Variants in DISC1 observed in about 807,000 individuals in gnomAD.
The protein encoded by DISC1 is disrupted in schizophrenia 1 protein.
DISC1 carries 57 observed loss-of-function variants against 84.5 expected under a neutral mutation model. That is an observed-to-expected ratio of 0.67 (90% CI 0.55 to 0.84). DISC1 has a LOEUF of 0.84. DISC1 is among the 40% of genes least tolerant of loss of function. DISC1 has a pLI of 0.00. For synonymous variants in DISC1, 411 were observed against 415.2 expected, an observed-to-expected ratio of 0.99 and a Z score of 0.12; for missense variants, 1,000 against 1,057.8, an observed-to-expected ratio of 0.95 and a Z score of 0.76.
At chr1:231,679,190 C>T (rs561559736) in intron 1 of DISC1, among the ~76,000 whole-genome samples, 28 of 152,344 alleles carry the variant, frequency 1.8e-4, no homozygotes, top group African/African-American at 6.7e-4. Context: ...CACTCACTTC[C>T]CTGGCAAGCA....
At chr1:231,829,774 G>T (rs962987316) in intron 9 of DISC1, among the ~76,000 whole-genome samples, 5 of 152,052 alleles carry the variant, frequency 3.3e-5, no homozygotes, top group African/African-American at 1.2e-4. Flanking sequence ...AAGAGAGTCA[G>T]CGAAGGGAGA....
intron 9 of DISC1, among the ~76,000 whole-genome samples, chr1:231,898,048 T>C (rs1217925308): frequency 6.6e-6 from 1 of 152,136 alleles, no homozygotes; most frequent in African/African-American, 2.4e-5. Flanking sequence ...GGGAGAAAGA[T>C]ACAGCCACAT....
chr1:231,728,629 A>G (rs1163439329), intron 3 of DISC1, among the ~76,000 whole-genome samples: 1 of 152,204 alleles, frequency 6.6e-6, no homozygotes, highest in Non-Finnish European at 1.5e-5. Flanking sequence ...CACATGGTGA[A>G]CTTAGTTTGT....
chr1:231,774,565 C>T lies in DISC1; in HGVS notation c.1634+3495C>T, dbSNP rs116213337. On this transcript the variant is annotated intron_variant, in intron 6 of 12. Coordinates refer to ENST00000439617, the MANE Select transcript of DISC1 (RefSeq NM_018662.3). Reference sequence around the variant, plus strand: ...TTTACTTTGAGGTGCAGGGAGGTATCGCCGCATCTGGAGGGCAGTGTGGGC... The same window carrying T: ...TTTACTTTGAGGTGCAGGGAGGTATTGCCGCATCTGGAGGGCAGTGTGGGC... 1.6e-3 allele frequency: 589 copies of T among 379,918 alleles called. 2 individuals are homozygous for T. Among genetic ancestry groups the T allele is most frequent in the African/African-American group, 0.011 (513 of 47,728 alleles). 23.5% of individuals were successfully genotyped at this position (379,918 alleles called of 1,614,324 possible).
At chr1:231,981,949 G>A (rs1663666638) in intron 10 of DISC1, among the ~76,000 whole-genome samples, 1 of 152,168 alleles carries the variant, frequency 6.6e-6, no homozygotes, top group African/African-American at 2.4e-5. Flanking sequence ...GTAGAGAAGT[G>A]GGGAGAGGTT....
At chr1:231,844,238 C>T (rs918274313) in intron 9 of DISC1, among the ~76,000 whole-genome samples, 2 of 152,192 alleles carry the variant, frequency 1.3e-5, no homozygotes, top group Non-Finnish European at 2.9e-5. Context: ...ATGGTTTTCA[C>T]AGCCCCTCTT....
intron 10 of DISC1, among the ~76,000 whole-genome samples, chr1:231,997,479 G>A (rs1033304447): frequency 5.9e-5 from 9 of 152,276 alleles, no homozygotes; most frequent in East Asian, 1.9e-4. Context: ...AGATGACAGC[G>A]TGGAGGGGGC....
At chr1:232,002,702 A>C (rs528204760) in intron 10 of DISC1, among the ~76,000 whole-genome samples, 1 of 152,034 alleles carries the variant, frequency 6.6e-6, no homozygotes, top group South Asian at 2.1e-4. Flanking sequence ...TGAAATGACA[A>C]CATTTTAAAA....
intron 10 of DISC1, among the ~76,000 whole-genome samples, chr1:231,992,274 T>A (rs1380051674): frequency 1.3e-5 from 2 of 152,176 alleles, no homozygotes; most frequent in Non-Finnish European, 2.9e-5. Context: ...AATCTGTGCA[T>A]CTTTATATTG....
chr1:231,795,941 T>A (rs1334415106), intron 7 of DISC1, among the ~76,000 whole-genome samples: 1 of 152,152 alleles, frequency 6.6e-6, no homozygotes, highest in Non-Finnish European at 1.5e-5. Flanking sequence ...ATTAATTACT[T>A]TTCTTCCCAG....
At chr1:231,965,476 AAAT>A (rs1660966562) in intron 10 of DISC1, among the ~76,000 whole-genome samples, 1 of 152,140 alleles carries the variant, frequency 6.6e-6, no homozygotes, top group East Asian at 1.9e-4. Flanking sequence ...TTGGCCCATT[AAAT>A]AATCTCCTAA....
intron 3 of DISC1, among the ~76,000 whole-genome samples, chr1:231,717,546 G>A (rs957245554): frequency 6.6e-6 from 1 of 152,168 alleles, no homozygotes; most frequent in African/African-American, 2.4e-5. Flanking sequence ...AGTTTTGCTT[G>A]TTGATGAGGA....
intron 9 of DISC1, chr1:231,866,665 G>A (rs1348825322): frequency 1.7e-5 from 26 of 1,498,980 alleles, no homozygotes; most frequent in Non-Finnish European, 4.5e-6. Context: ...AATTGAAAGG[G>A]CATTGAAGAG....
rs189171958 is a variant in DISC1 at position 231,860,225 on chromosome 1, T to C, written c.1981+41708T>C. Among the ~76,000 whole-genome samples, 17 of 152,360 alleles carry C rather than the reference T, an allele frequency of 1.1e-4. 1 individual carries two copies. In the East Asian group the frequency reaches 2.9e-3, roughly 26 times the overall value. ...AATCTTGGCATCTGATTGATTTTTCTAGTTTATGAAAAACTGACAATATTC... is the reference window on the plus strand; with the variant it reads ...AATCTTGGCATCTGATTGATTTTTCCAGTTTATGAAAAACTGACAATATTC... On this transcript the variant is annotated intron_variant, in intron 9 of 12. Transcript: ENST00000439617.
At chr1:231,912,742 CTTCTTTCTTTCTTTCTTTCT>C (rs72513675) in intron 9 of DISC1, among the ~76,000 whole-genome samples, 2,607 of 132,530 alleles carry the variant, frequency 0.02, 42 homozygotes, top group African/African-American at 0.031. Context: ...GCAGCTTGCT[CTTCTTTCTTTCTTTCTTTCT>C]TTCTTTCTTT....
chr1:231,887,805 T>C (rs2086884500), intron 9 of DISC1, among the ~76,000 whole-genome samples: 1 of 152,228 alleles, frequency 6.6e-6, no homozygotes, highest in African/African-American at 2.4e-5. Context: ...TGACAACTAC[T>C]ATTTGCTTCA....
intron 4 of DISC1, among the ~76,000 whole-genome samples, chr1:231,751,429 G>GA (rs1478508468): frequency 6.6e-6 from 1 of 151,988 alleles, no homozygotes; most frequent in African/African-American, 2.4e-5. Flanking sequence ...TTCCATTTTT[G>GA]AAAATTGTGG....
intron 1 of DISC1, among the ~76,000 whole-genome samples, chr1:231,654,173 G>A (rs1363833180): frequency 1.3e-5 from 2 of 152,096 alleles, no homozygotes; most frequent in Non-Finnish European, 2.9e-5. Flanking sequence ...TCTTAGGAGG[G>A]TACACAGCTT....
chr1:231,801,738 C>T (rs1163395251), intron 8 of DISC1, among the ~76,000 whole-genome samples: 2 of 151,930 alleles, frequency 1.3e-5, no homozygotes, highest in Non-Finnish European at 2.9e-5. Context: ...CTGTTTTCTC[C>T]TGTTTCAATA....
Sources: gnomAD v4.1 joint callset for allele counts (sites outside exome capture counted in the v4.1 genomes callset) on GRCh38, gnomAD v4.1.1 for gene constraint, MANE v1.5 for transcripts, NCBI Gene and HGNC (gene_info 2026-07-23, HGNC 2026-07-21) for gene names.